The following MCU variants were observed in gnomAD, a reference collection of about 807,000 sequenced individuals.
MCU encodes mitochondrial calcium uniporter, also known as calcium uniporter protein, mitochondrial.
A neutral mutation model predicts 45.2 loss-of-function variants in MCU; 12 were observed. The ratio of observed to expected loss-of-function variants is 0.27; its 90% CI spans 0.17 to 0.43. MCU has a LOEUF of 0.43. MCU is among the 20% of genes least tolerant of loss of function. The pLI is 1.00. For synonymous variants in MCU, 160 were observed against 165.1 expected (o/e 0.97, Z 0.24); for missense variants, 324 against 436.7 (o/e 0.74, Z 2.30).
At chr10:72,835,407 A>G (rs138671949) in intron 2 of MCU, among the ~76,000 whole-genome samples, 1 of 152,190 alleles carries the variant, frequency 6.6e-6, no homozygotes, top group African/African-American at 2.4e-5. Context: ...GTTTAGTTTG[A>G]TAGAGCTCTG....
intron 1 of MCU, among the ~76,000 whole-genome samples, chr10:72,813,728 G>T (rs1306335233): frequency 6.6e-6 from 1 of 151,880 alleles, no homozygotes; most frequent in African/African-American, 2.4e-5. Context: ...CAAATTGCTG[G>T]GATTACAGGC....
At chr10:72,834,120 T>C (rs900995138) in intron 1 of MCU, among the ~76,000 whole-genome samples, 1 of 152,230 alleles carries the variant, frequency 6.6e-6, no homozygotes, top group African/African-American at 2.4e-5. Flanking sequence ...TATACTTGTG[T>C]TTGTATATGT....
intron 1 of MCU, among the ~76,000 whole-genome samples, chr10:72,818,756 G>T (rs1844664033): frequency 6.6e-6 from 1 of 151,556 alleles, no homozygotes; most frequent in African/African-American, 2.4e-5. Flanking sequence ...CAGGAGAATT[G>T]CGTGAACCTG....
At chr10:72,773,134 T>A (rs2132739551) in intron 1 of MCU, among the ~76,000 whole-genome samples, 1 of 152,248 alleles carries the variant, frequency 6.6e-6, no homozygotes, top group East Asian at 1.9e-4. Context: ...TGGGCTCAAG[T>A]GTTCCTCCTA....
intron 1 of MCU, among the ~76,000 whole-genome samples, chr10:72,790,233 C>T (rs913716623): frequency 3.9e-5 from 6 of 152,154 alleles, no homozygotes; most frequent in African/African-American, 1.4e-4. Context: ...TTTCATGTTG[C>T]AAAATTCACC....
chr10:72,779,466 AATG>A (rs1258844198), intron 1 of MCU, among the ~76,000 whole-genome samples: 1 of 152,216 alleles, frequency 6.6e-6, no homozygotes, highest in Non-Finnish European at 1.5e-5. Flanking sequence ...TGTGGTGCAA[AATG>A]ATACCATTAA....
rs374910594 is a variant in MCU, at chr10:72,885,800, G to C, written c.1034G>C (p.Arg345Pro). ...RDPLQVHLPL[R>P]QIGEKD ...CCATTACAAGTACATCTGCCTCTCC[G>C]ACAAATTGGTGAAAAAGATTGATCT... The change falls in exon 8 of 8, where the codon CGA becomes CCA. Residue 345 changes from arginine (R) to proline (P), a missense_variant. Arg to Pro is a moderately radical substitution (Grantham distance 103). Transcript: ENST00000373053. 5.6e-6 allele frequency: 9 copies of C among 1,613,380 alleles called. No homozygotes were observed. Among genetic ancestry groups the C allele is most frequent in the Non-Finnish European group, 7.6e-6 (9 of 1,179,660 alleles).
intron 1 of MCU, among the ~76,000 whole-genome samples, chr10:72,767,917 T>G (rs1289866664): frequency 6.6e-6 from 1 of 152,212 alleles, no homozygotes; most frequent in Non-Finnish European, 1.5e-5. Flanking sequence ...TGTTTCATCT[T>G]CATCTTGTTA....
At chr10:72,884,628 A>G (rs979780682) in intron 7 of MCU, among the ~76,000 whole-genome samples, 1 of 144,992 alleles carries the variant, frequency 6.9e-6, no homozygotes, top group Non-Finnish European at 1.5e-5. Flanking sequence ...GCACATTGAC[A>G]TTTTTAGGCC....
chr10:72,719,747 A>G (rs563680100), intron 1 of MCU, among the ~76,000 whole-genome samples: 1 of 152,328 alleles, frequency 6.6e-6, no homozygotes, highest in Admixed American at 6.5e-5. Flanking sequence ...TATATTACAA[A>G]CATACAATTA....
intron 1 of MCU, among the ~76,000 whole-genome samples, chr10:72,783,644 G>A (rs902338556): frequency 2.6e-5 from 4 of 152,294 alleles, no homozygotes; most frequent in Non-Finnish European, 4.4e-5. Context: ...TTGTTGGGGG[G>A]AGCTGTTGTA....
At chr10:72,862,355 C>A (rs1322295326) in intron 4 of MCU, among the ~76,000 whole-genome samples, 1 of 152,102 alleles carries the variant, frequency 6.6e-6, no homozygotes, top group Non-Finnish European at 1.5e-5. Flanking sequence ...TTGTTAATGC[C>A]CCTTCCACCA....
At chr10:72,842,465 A>T (rs1250586619) in intron 2 of MCU, among the ~76,000 whole-genome samples, 11 of 152,288 alleles carry the variant, frequency 7.2e-5, no homozygotes, top group Admixed American at 7.2e-4. Context: ...GTTACCATGT[A>T]CCTTTCTCGG....
intron 1 of MCU, among the ~76,000 whole-genome samples, chr10:72,788,997 T>G (rs1844117992): frequency 6.6e-6 from 1 of 152,146 alleles, no homozygotes; most frequent in Non-Finnish European, 1.5e-5. Flanking sequence ...ACTTATCTTT[T>G]TCCCTAAGTG....
chr10:72,786,544 G>A lies in MCU; in HGVS notation c.151-47815G>A, dbSNP rs191596340. Among the ~76,000 whole-genome samples the A allele has an allele frequency of 8.5e-5, 13 of 152,136 alleles. No individual in the cohort carries two copies. In the East Asian group the frequency reaches 1.9e-3, roughly 23 times the overall value. On this transcript the variant is annotated intron_variant, in intron 1 of 7. Transcript: ENST00000373053. The stretch of plus-strand genomic sequence containing the variant: ...CAGATCACGTGGAGGTCAGGAGTTC[G>A]AGACCAGACTGGTCAACATGGCGAA...
chr10:72,760,733 T>G (rs1843644749), intron 1 of MCU: 1 of 152,310 alleles, frequency 6.6e-6, no homozygotes, highest in Admixed American at 6.7e-5. Flanking sequence ...TTTTTTTTTT[T>G]GCAGAGACAG....
intron 1 of MCU, among the ~76,000 whole-genome samples, chr10:72,720,516 C>T (rs1393975323): frequency 6.6e-6 from 1 of 152,168 alleles, no homozygotes; most frequent in Non-Finnish European, 1.5e-5. Context: ...CTGACTTGTT[C>T]CGTTTGTTCC....
chr10:72,704,704 AT>A (rs1162093579), intron 1 of MCU, among the ~76,000 whole-genome samples: 50,538 of 106,560 alleles, frequency 0.47, 14,007 homozygotes, highest in Non-Finnish European at 0.58. Flanking sequence ...TGCCTGGATA[AT>A]TTTTTTTTTT....
At chr10:72,736,050 AT>A (rs1473759058) in intron 1 of MCU, among the ~76,000 whole-genome samples, 2 of 152,242 alleles carry the variant, frequency 1.3e-5, no homozygotes, top group Non-Finnish European at 2.9e-5. Flanking sequence ...GATGCAAAAA[AT>A]ATTCTCGTTT....
Sources: allele counts gnomAD v4.1 joint callset (sites outside exome capture counted in the v4.1 genomes callset), GRCh38; gene constraint gnomAD v4.1.1; transcripts MANE v1.5; gene names NCBI Gene and HGNC (gene_info 2026-07-23, HGNC 2026-07-21).